The following DLG2 variants were observed in gnomAD, a reference collection of about 807,000 sequenced individuals.
DLG2 encodes discs large MAGUK scaffold protein 2.
DLG2 carries 45 observed loss-of-function variants against 132.5 expected under a neutral mutation model. The observed-to-expected ratio is 0.34, with a 90% CI of 0.27 to 0.44. DLG2 has a LOEUF of 0.44. Ranked by LOEUF, DLG2 falls within the 20% of genes least tolerant of loss-of-function variation. The probability of loss-of-function intolerance (pLI) is 1.00; values close to 1 mark genes in which losing one functional copy is unlikely to be tolerated. For synonymous variants in DLG2, 424 were observed against 419.6 expected (o/e 1.01, Z -0.13); for missense variants, 1,045 against 1,196.9 (o/e 0.87, Z 1.87).
chr11:84,529,043 G>A (rs1375574292), intron 7 of DLG2, among the ~76,000 whole-genome samples: 1 of 152,108 alleles, frequency 6.6e-6, no homozygotes, highest in African/African-American at 2.4e-5. Context: ...CACAAAATTG[G>A]CCAACCTTAA....
chr11:85,235,250 A>C (rs2075522012), intron 4 of DLG2, among the ~76,000 whole-genome samples: 1 of 151,984 alleles, frequency 6.6e-6, no homozygotes, highest in Admixed American at 6.6e-5. Flanking sequence ...AAACAGTCAG[A>C]ATTTTAAGTG....
At chr11:85,124,598 A>G (rs2074838313) in intron 5 of DLG2, among the ~76,000 whole-genome samples, 1 of 152,208 alleles carries the variant, frequency 6.6e-6, no homozygotes, top group Non-Finnish European at 1.5e-5. Context: ...CCTCAAGTCT[A>G]TATTTTCTGA....
intron 7 of DLG2, chr11:84,317,425 C>T: frequency 8.2e-7 from 1 of 1,218,876 alleles, no homozygotes; most frequent in Admixed American, 3.7e-5. Flanking sequence ...AATCAATGCT[C>T]CACACAGCTG....
At chr11:85,214,828 T>C (rs2082475375) in intron 4 of DLG2, among the ~76,000 whole-genome samples, 1 of 152,204 alleles carries the variant, frequency 6.6e-6, no homozygotes, top group Non-Finnish European at 1.5e-5. Context: ...ATTCAGTTTC[T>C]AAGAGACCAG....
intron 7 of DLG2, among the ~76,000 whole-genome samples, chr11:84,359,265 G>A (rs2098636134): frequency 6.6e-6 from 1 of 151,768 alleles, no homozygotes; most frequent in African/African-American, 2.4e-5. Context: ...TCAATATGCT[G>A]TTGTTCTAAT....
intron 18 of DLG2, among the ~76,000 whole-genome samples, chr11:83,754,296 C>A (rs1486307652): frequency 1.3e-5 from 2 of 151,032 alleles, no homozygotes; most frequent in Non-Finnish European, 2.9e-5. Flanking sequence ...TAATGAGTAT[C>A]TACTATTGTA....
chr11:84,294,928 C>T (rs1042120859), intron 7 of DLG2, among the ~76,000 whole-genome samples: 3 of 152,054 alleles, frequency 2.0e-5, no homozygotes, highest in African/African-American at 4.8e-5. Context: ...GTAAAAGAAA[C>T]GTTAAATAGA....
chr11:85,480,373 C>T (rs967955046), intron 3 of DLG2, among the ~76,000 whole-genome samples: 15 of 151,922 alleles, frequency 9.9e-5, no homozygotes, highest in African/African-American at 2.9e-4. Flanking sequence ...AACACAAGTA[C>T]ATTCTGGAAT....
intron 8 of DLG2, among the ~76,000 whole-genome samples, chr11:84,185,647 G>C (rs1596960069): frequency 6.6e-6 from 1 of 152,128 alleles, no homozygotes; most frequent in Non-Finnish European, 1.5e-5. Flanking sequence ...CCTGTCTTGT[G>C]CCAGTTTTCG....
chr11:85,537,503 A>G (rs746439437), intron 3 of DLG2, among the ~76,000 whole-genome samples: 7 of 151,664 alleles, frequency 4.6e-5, no homozygotes, highest in East Asian at 1.9e-4. Context: ...AACTCCAGAC[A>G]GGAGGGATGA....
chr11:83,875,180 T>G (rs1202139510), intron 15 of DLG2, among the ~76,000 whole-genome samples: 2 of 152,122 alleles, frequency 1.3e-5, no homozygotes, highest in African/African-American at 4.8e-5. Context: ...AAATGAGACT[T>G]CCAGCTGCAT....
chr11:83,583,198 A>G (rs1454025244), intron 19 of DLG2, among the ~76,000 whole-genome samples: 2 of 152,272 alleles, frequency 1.3e-5, no homozygotes, highest in Non-Finnish European at 2.9e-5. Context: ...TTGGCAAAAG[A>G]CAAAAAATAT....
rs149030152 is a variant in DLG2, at chr11:84,846,149, A to G, written c.357+265512T>C. Among the ~76,000 whole-genome samples the G allele has an allele frequency of 2.6e-3, 398 of 152,116 alleles. 2 individuals are homozygous for G. Among genetic ancestry groups the G allele is most frequent in the African/African-American group, 9.3e-3 (388 of 41,516 alleles). On this transcript the variant is annotated intron_variant, in intron 6 of 27. Coordinates refer to ENST00000376104, the MANE Select transcript of DLG2 (RefSeq NM_001142699.3). ...AATCTTATCCTCTTAAATATCATACATATTCTTATGAGGATGAAATATATA... is the reference window on the plus strand; with the variant it reads ...AATCTTATCCTCTTAAATATCATACGTATTCTTATGAGGATGAAATATATA...
intron 3 of DLG2, among the ~76,000 whole-genome samples, chr11:85,515,167 A>C (rs774664289): frequency 2.0e-5 from 3 of 151,976 alleles, no homozygotes; most frequent in Non-Finnish European, 1.5e-5. Flanking sequence ...GTCACGTTTA[A>C]CTAACTAATT....
At chr11:84,363,847 T>A (rs907063126) in intron 7 of DLG2, among the ~76,000 whole-genome samples, 5 of 152,042 alleles carry the variant, frequency 3.3e-5, no homozygotes, top group African/African-American at 1.2e-4. Context: ...TTCTGAGGGC[T>A]CTGTTCTGTT....
intron 17 of DLG2, among the ~76,000 whole-genome samples, chr11:83,795,427 C>CTATATCTATATCTA (rs1233333389): frequency 5.8e-5 from 5 of 85,632 alleles, no homozygotes; most frequent in Non-Finnish European, 9.9e-5. Context: ...ATATCTATAT[C>CTATATCTATATCTA]TATATCTATA....
chr11:84,974,942 A>G (rs1330000909), intron 6 of DLG2, among the ~76,000 whole-genome samples: 1 of 152,252 alleles, frequency 6.6e-6, no homozygotes, highest in Non-Finnish European at 1.5e-5. Flanking sequence ...TTTGATCTCC[A>G]AAAACCTAGT....
At chr11:84,829,638 T>G (rs758096318) in intron 6 of DLG2, among the ~76,000 whole-genome samples, 1 of 151,748 alleles carries the variant, frequency 6.6e-6, no homozygotes, top group Non-Finnish European at 1.5e-5. Context: ...TTAACCTCTC[T>G]GAACTCTAGA....
At chr11:84,926,778 C>T (rs1357001331) in intron 6 of DLG2, among the ~76,000 whole-genome samples, 1 of 151,922 alleles carries the variant, frequency 6.6e-6, no homozygotes, top group African/African-American at 2.4e-5. Context: ...GAAGGAAATA[C>T]TAGAAACTGT....
Sources: gnomAD v4.1 joint callset for allele counts (sites outside exome capture counted in the v4.1 genomes callset) on GRCh38, gnomAD v4.1.1 for gene constraint, MANE v1.5 for transcripts, NCBI Gene and HGNC (gene_info 2026-07-23, HGNC 2026-07-21) for gene names.